The following TBC1D13 variants were observed in gnomAD, a reference collection of about 807,000 sequenced individuals.
TBC1D13 encodes TBC1 domain family member 13, also known as epididymis secretory sperm binding protein.
A neutral mutation model predicts 53.6 loss-of-function variants in TBC1D13; 40 were observed. The ratio of observed to expected loss-of-function variants is 0.75; its 90% CI spans 0.58 to 0.97. The LOEUF is 0.97. Ranked by LOEUF, TBC1D13 falls within the 50% of genes least tolerant of loss-of-function variation. The pLI is 0.00. For missense variants in TBC1D13, 377 were observed against 499.4 expected (o/e 0.75, Z 2.34); for synonymous variants, 182 against 197.7 (o/e 0.92, Z 0.67).
At chr9:128,792,675 T>G in intron 6 of TBC1D13, 101 bp downstream of exon 6, 4 of 1,060,080 alleles carry the variant, frequency 3.8e-6, no homozygotes, top group Admixed American at 2.1e-5. Flanking sequence ...GGGTGAGTGT[T>G]TGCGGAGCTG....
Position 128,791,676 on chromosome 9 carries a change from G to T in TBC1D13, c.283G>T (p.Val95Leu). The change falls in exon 5 of 12, where the codon GTG becomes TTG. Residue 95 changes from valine (V) to leucine (L), a missense_variant. Val to Leu is a conservative substitution (Grantham distance 32). Coordinates refer to ENST00000372648, the MANE Select transcript of TBC1D13 (RefSeq NM_018201.5). ...CAACATGGGTGTGTCCAGGGAGGATGTGACTTTTGAGGACCATGTGAGTAG... is the reference window on the plus strand; with the variant it reads ...CAACATGGGTGTGTCCAGGGAGGATTTGACTTTTGAGGACCATGTGAGTAG... ...KANMGVSRED[V>L]TFEDHPLNPN... The T allele has an allele frequency of 2.5e-6, 4 of 1,614,178 alleles. No homozygotes were observed. In the South Asian group the frequency reaches 4.4e-5, roughly 18 times the overall value.
chr9:128,789,265 G>C (rs1325620929), intron 2 of TBC1D13, among the ~76,000 whole-genome samples: 1 of 127,790 alleles, frequency 7.8e-6, no homozygotes. Flanking sequence ...GCAGTGAGCC[G>C]AGATTGCGCC....
chr9:128,788,875 A>G (rs1413313395), intron 2 of TBC1D13, among the ~76,000 whole-genome samples: 4 of 152,214 alleles, frequency 2.6e-5, no homozygotes, highest in Non-Finnish European at 4.4e-5. Flanking sequence ...TAAAATGGGT[A>G]GCCTTGGGAC....
intron 3 of TBC1D13, 138 bp from the exon 4 acceptor site, chr9:128,791,242 C>A: frequency 1.2e-6 from 1 of 823,864 alleles, no homozygotes; most frequent in Non-Finnish European, 2.0e-6. Context: ...CTAGCTCATG[C>A]TGGCATTCCT....
chr9:128,787,433 T>G, intron 1 of TBC1D13, 57 bp downstream of exon 1: 2 of 1,248,692 alleles, frequency 1.6e-6, no homozygotes, highest in South Asian at 8.2e-5. Flanking sequence ...CTGCCCCTTC[T>G]GCCCCTCAGA....
rs1564421444 is a variant in TBC1D13, at chr9:128,787,296, G to A, written c.-58G>A. 2 of 1,253,902 alleles carry A rather than the reference G, an allele frequency of 1.6e-6. No homozygotes were observed. Among genetic ancestry groups the A allele is most frequent in the Non-Finnish European group, 2.0e-6 (2 of 993,414 alleles). The allele number at this position is 1,253,902 out of a possible 1,614,324, so 77.7% of individuals were successfully genotyped here. A position where few individuals can be genotyped will look rare whatever the true frequency, so the allele number is the denominator to read the frequency against. On this transcript the variant is annotated 5_prime_UTR_variant, in exon 1 of 12. Coordinates refer to ENST00000372648, the MANE Select transcript of TBC1D13 (RefSeq NM_018201.5). ...CTGGGGGGCGGCGGCGGCGGCGGCA[G>A]CGCAGGCGGCAGAGGCGCAGGCGGC...
At chr9:128,787,644 C>T (rs933280703) in intron 1 of TBC1D13, among the ~76,000 whole-genome samples, 3 of 145,878 alleles carry the variant, frequency 2.1e-5, no homozygotes, top group African/African-American at 7.6e-5. Context: ...TCATCCAGAC[C>T]CCCATGCCCC....
In TBC1D13 at chr9:128,791,858, G is replaced by A. The variant is rs1269042527; in HGVS notation, c.300+165G>A. Among the ~76,000 whole-genome samples the A allele has an allele frequency of 7.2e-5, 11 of 152,296 alleles. No individual in the cohort carries two copies. The East Asian group carries it at 2.1e-3, about 29-fold the overall frequency. The stretch of plus-strand genomic sequence containing the variant: ...CTGCGTTGGGTCACTAAGCTTGGGG[G>A]CCCTGGGCTCAGTAAGACAAACGAT... On this transcript the variant is annotated intron_variant, in intron 5 of 11. Transcript: ENST00000372648.
intron 3 of TBC1D13, among the ~76,000 whole-genome samples, chr9:128,791,114 C>G (rs1015224170): frequency 1.3e-5 from 2 of 152,116 alleles, no homozygotes; most frequent in African/African-American, 4.8e-5. Context: ...GTTTCCAGCC[C>G]TTTAGAGCAC....
intron 6 of TBC1D13, among the ~76,000 whole-genome samples, chr9:128,795,281 C>T (rs1314309014): frequency 2.0e-5 from 3 of 148,830 alleles, no homozygotes; most frequent in Non-Finnish European, 3.0e-5. Flanking sequence ...TGCACTGGCG[C>T]AATCTTGGCT....
At chr9:128,793,881 C>T (rs139987467) in intron 6 of TBC1D13, among the ~76,000 whole-genome samples, 1 of 152,204 alleles carries the variant, frequency 6.6e-6, no homozygotes, top group African/African-American at 2.4e-5. Flanking sequence ...GGCCGAGTGC[C>T]GGTGTCAGAA....
In TBC1D13 at chr9:128,792,433, G is replaced by A. The variant is rs547053506; in HGVS notation, c.301-59G>A. 12 of 1,513,410 alleles carry A rather than the reference G, an allele frequency of 7.9e-6. 1 individual carries two copies. The South Asian group carries it at 1.3e-4, about 16-fold the overall frequency. 93.7% of individuals were successfully genotyped at this position (1,513,410 alleles called of 1,614,324 possible). A position where few individuals can be genotyped will look rare whatever the true frequency, so the allele number is the denominator to read the frequency against. ...GGCCACTGCTCAGGTTTCCGGGATA[G>A]AATCGGGCCCCGGGGCCTAGCTGGG... On this transcript the variant is annotated intron_variant, in intron 5 of 11. Coordinates refer to ENST00000372648, the MANE Select transcript of TBC1D13 (RefSeq NM_018201.5).
At chr9:128,789,797 A>G (rs1829495377) in intron 2 of TBC1D13, 1 of 47,674 alleles carries the variant, frequency 2.1e-5, no homozygotes, top group Non-Finnish European at 3.9e-5. Flanking sequence ...TACACCATAT[A>G]TATATATATA....
rs762049254 is a variant in TBC1D13, at chr9:128,807,928, G to A, written c.*49G>A. ...CCGGAGAGAAGCCTCCCGACCCTGT[G>A]CCCTGGCTCCCGGGACACATAGAAA... On this transcript the variant is annotated 3_prime_UTR_variant, in exon 12 of 12. Coordinates refer to ENST00000372648, the MANE Select transcript of TBC1D13 (RefSeq NM_018201.5). The A allele has an allele frequency of 4.4e-6, 7 of 1,582,744 alleles. No homozygotes were observed. In the African/African-American group the frequency reaches 6.7e-5, roughly 15 times the overall value.
At chr9:128,792,976 A>C (rs1829562222) in intron 6 of TBC1D13, among the ~76,000 whole-genome samples, 2 of 152,250 alleles carry the variant, frequency 1.3e-5, no homozygotes, top group Non-Finnish European at 1.5e-5. Flanking sequence ...TCAGCCCATT[A>C]GATCTTAGCA....
chr9:128,801,633 C>T (rs1177322524), intron 7 of TBC1D13, among the ~76,000 whole-genome samples: 5 of 151,758 alleles, frequency 3.3e-5, no homozygotes, highest in Non-Finnish European at 5.9e-5. Context: ...GAGCTGAGGT[C>T]GCACCACTGC....
chr9:128,796,481 C>A (rs1469574623), intron 6 of TBC1D13, among the ~76,000 whole-genome samples: 1 of 152,028 alleles, frequency 6.6e-6, no homozygotes, highest in Non-Finnish European at 1.5e-5. Flanking sequence ...AAACTCCCGA[C>A]CTCAGGTGAT....
At chr9:128,794,493 T>G (rs1435864681) in intron 6 of TBC1D13, among the ~76,000 whole-genome samples, 2 of 152,116 alleles carry the variant, frequency 1.3e-5, no homozygotes, top group Non-Finnish European at 2.9e-5. Flanking sequence ...TGTTTTTTTT[T>G]GAGACAGAGG....
chr9:128,798,807 C>T (rs1479190426), intron 7 of TBC1D13, among the ~76,000 whole-genome samples: 2 of 152,232 alleles, frequency 1.3e-5, no homozygotes, highest in East Asian at 1.9e-4. Context: ...TAGCCTCCAA[C>T]AAGCTAGGGC....
Sources: allele counts gnomAD v4.1 joint callset (sites outside exome capture counted in the v4.1 genomes callset), GRCh38; gene constraint gnomAD v4.1.1; transcripts MANE v1.5; gene names NCBI Gene and HGNC (gene_info 2026-07-23, HGNC 2026-07-21).